Variants in FRMD8 observed in about 807,000 individuals in gnomAD.
The protein encoded by FRMD8 is FERM domain-containing protein 8.
FRMD8 carries 37 observed loss-of-function variants against 54.2 expected under a neutral mutation model. That is an observed-to-expected ratio of 0.68 (90% CI 0.53 to 0.90). The LOEUF is 0.90. Ranked by LOEUF, FRMD8 falls within the 40% of genes least tolerant of loss-of-function variation. The pLI, the probability that FRMD8 is intolerant of heterozygous loss-of-function variation, is 0.00. For missense variants in FRMD8, 585 were observed against 653.7 expected (o/e 0.89, Z 1.15); for synonymous variants, 246 against 286.9 (o/e 0.86, Z 1.44).
intron 6 of FRMD8, among the ~76,000 whole-genome samples, 179 bp from the exon 7 acceptor site, chr11:65,396,620 C>T (rs548478279): frequency 6.6e-6 from 1 of 152,272 alleles, no homozygotes; most frequent in African/African-American, 2.4e-5. Context: ...GGAGGGGGGC[C>T]GAGAACTGAA....
intron 10 of FRMD8, among the ~76,000 whole-genome samples, chr11:65,410,819 A>G (rs1468688868): frequency 6.6e-6 from 1 of 152,202 alleles, no homozygotes; most frequent in African/African-American, 2.4e-5. Flanking sequence ...AAACCCAAAA[A>G]AAACCAAAAA....
intron 10 of FRMD8, among the ~76,000 whole-genome samples, chr11:65,410,920 C>T (rs1459684133): frequency 6.6e-6 from 1 of 152,206 alleles, no homozygotes; most frequent in Non-Finnish European, 1.5e-5. Flanking sequence ...GTCAGATTTC[C>T]ATAGTGTTTT....
chr11:65,408,914 T>C (rs1425681231), intron 10 of FRMD8, among the ~76,000 whole-genome samples: 2 of 151,316 alleles, frequency 1.3e-5, no homozygotes, highest in African/African-American at 4.9e-5. Context: ...CTGGCCGATA[T>C]GCTGATTTTG....
chr11:65,394,208 C>T (rs777530435), intron 5 of FRMD8, 51 bp from the exon 6 acceptor site: 13 of 1,591,996 alleles, frequency 8.2e-6, no homozygotes, highest in East Asian at 2.3e-5. Flanking sequence ...CTGAGCAGCT[C>T]TCCCTGCCCC....
At chr11:65,382,002 T>C (rs780923954), upstream of FRMD8, 5 of 1,489,292 alleles carry the variant, frequency 3.4e-6, no homozygotes, top group East Asian at 2.3e-5. This position sits in a 1 kb window ranked among gnomAD's most constrained non-coding sequence, Gnocchi z 4.4. Context: ...CAGAGTTGAA[T>C]TCCCCCCTCT....
chr11:65,405,580 A>G (rs1856178336), intron 10 of FRMD8, among the ~76,000 whole-genome samples: 1 of 152,184 alleles, frequency 6.6e-6, no homozygotes, highest in Non-Finnish European at 1.5e-5. Flanking sequence ...CCGAGATTGC[A>G]TCATTGCATT....
intron 7 of FRMD8, among the ~76,000 whole-genome samples, chr11:65,398,921 T>C (rs1856010469): frequency 6.7e-6 from 1 of 149,834 alleles, no homozygotes; most frequent in Non-Finnish European, 1.5e-5. Flanking sequence ...CAGTGGGTGG[T>C]GAGGGCAAGG....
chr11:65,399,788 C>T lies in FRMD8; in HGVS notation c.856C>T (p.Arg286Trp), dbSNP rs1222282447. The T allele has an allele frequency of 3.1e-6, 5 of 1,614,012 alleles. No homozygotes were observed. Among genetic ancestry groups the T allele is most frequent in the East Asian group, 4.5e-5 (2 of 44,878 alleles). ...VDKPAQGFLH[R>W]GGRKPVSVAI... ...CAAGCCGGCCCAAGGCTTTTTGCAC[C>T]GGGGTGGGCGCAAGCCAGTTTCTGT... The change falls in exon 8 of 11, where the codon CGG (arginine) becomes TGG (tryptophan). Residue 286 changes from arginine (R) to tryptophan (W), a missense_variant. Arg to Trp is a moderately radical substitution (Grantham distance 101, BLOSUM62 -3). Coordinates refer to ENST00000317568, the MANE Select transcript of FRMD8 (RefSeq NM_031904.5).
intron 7 of FRMD8, among the ~76,000 whole-genome samples, chr11:65,397,395 C>G (rs914829782): frequency 2.6e-5 from 4 of 152,216 alleles, no homozygotes; most frequent in Non-Finnish European, 5.9e-5. Context: ...GACACCGTGC[C>G]CCTGCCTGAT....
At chr11:65,410,335 A>G (rs539420926) in intron 10 of FRMD8, among the ~76,000 whole-genome samples, 3 of 151,898 alleles carry the variant, frequency 2.0e-5, no homozygotes, top group African/African-American at 7.3e-5. Flanking sequence ...GTCTCTACTA[A>G]AAATACAAAA....
In FRMD8 at chr11:65,396,892, G is replaced by A. The variant is rs144092927; in HGVS notation, c.675G>A (p.Pro225=). 208 of 1,555,042 alleles carry A rather than the reference G, an allele frequency of 1.3e-4. No homozygotes were observed. Among genetic ancestry groups the A allele is most frequent in the Admixed American group, 3.0e-4 (16 of 52,614 alleles). The change falls in exon 7 of 11, where the codon CCG becomes CCA. Residue 225 remains proline, a synonymous_variant. Transcript: ENST00000317568. ...GGGGCCGTGGGGCCAGGGCCGGGCC[G>A]GGCGAGCAGGGCCTGCTGAACGCCT... The part of the protein sequence containing the change: ...ALRGRGARAG[P]GEQGLLNAYR...
At chr11:65,408,899 C>T (rs12799896) in intron 10 of FRMD8, among the ~76,000 whole-genome samples, 22,485 of 151,872 alleles carry the variant, frequency 0.15, 1,938 homozygotes, top group Admixed American at 0.26. Flanking sequence ...ATGTGAGCAC[C>T]GTGCCTGGCC....
At chr11:65,372,132 GA>G in the FRMD8 span, among the ~76,000 whole-genome samples, 1 of 151,404 alleles carries the variant, frequency 6.6e-6, no homozygotes, top group East Asian at 1.9e-4. Context: ...GGCTGGTCTC[GA>G]ACTCCTGACT....
At chr11:65,393,930 G>A in intron 4 of FRMD8, 111 bp from the exon 5 acceptor site, 1 of 1,200,520 alleles carries the variant, frequency 8.3e-7, no homozygotes, top group East Asian at 2.5e-5. Flanking sequence ...CGGCCCTCCG[G>A]TTTTCTCAGC....
At chr11:65,377,578 C>CG in the FRMD8 span, 1 of 196,972 alleles carries the variant, frequency 5.1e-6, no homozygotes, top group Non-Finnish European at 9.2e-6. Flanking sequence ...CCAGCCCCTC[C>CG]TGCCTCCAGA....
chr11:65,377,052 G>C, the FRMD8 span: 1 of 1,613,998 alleles, frequency 6.2e-7, no homozygotes, highest in South Asian at 1.1e-5. Context: ...ACTTTGATGA[G>C]GTCAAAAGGA....
the FRMD8 span, among the ~76,000 whole-genome samples, chr11:65,370,532 T>G: frequency 1.6e-4 from 24 of 150,662 alleles, no homozygotes; most frequent in Non-Finnish European, 3.0e-4. Flanking sequence ...AAACCCCATC[T>G]CTACTAAAAA....
intron 9 of FRMD8, among the ~76,000 whole-genome samples, chr11:65,401,502 A>C: frequency 6.9e-6 from 1 of 143,970 alleles, no homozygotes. Flanking sequence ...GTCTCTCTGG[A>C]TCCTTCATTC....
At chr11:65,379,119 TG>T in the FRMD8 span, 1 of 494,016 alleles carries the variant, frequency 2.0e-6, no homozygotes. Flanking sequence ...CCCCGTCAGC[TG>T]GAGCGAGTGG....
Sources: allele counts gnomAD v4.1 joint callset (sites outside exome capture counted in the v4.1 genomes callset), GRCh38; gene constraint gnomAD v4.1.1; non-coding constraint Gnocchi (gnomAD v3.1); transcripts MANE v1.5; gene names NCBI Gene and HGNC (gene_info 2026-07-23, HGNC 2026-07-21).